The following TBL1X variants were observed in gnomAD, a reference collection of about 807,000 sequenced individuals.
TBL1X encodes F-box-like/WD repeat-containing protein TBL1X.
In TBL1X, 10 loss-of-function variants were observed where a neutral mutation model predicts 50.7. The observed-to-expected ratio is 0.20, with a 90% CI of 0.12 to 0.33. TBL1X has a LOEUF of 0.33. Ranked by LOEUF, TBL1X falls within the 10% of genes least tolerant of loss-of-function variation. TBL1X has a pLI of 1.00. For synonymous variants in TBL1X, 190 were observed against 214.7 expected (o/e 0.88, Z 1.01); for missense variants, 340 against 504.4 (o/e 0.67, Z 3.12).
chrX:9,469,804 G>C (rs11797636), intron 1 of TBL1X, among the ~76,000 whole-genome samples: 31,115 of 110,851 alleles, frequency 0.28, 3,530 homozygotes, highest in South Asian at 0.36. Context: ...GGGGCACCCA[G>C]CCATCTGCTC....
At chrX:9,557,754 T>G (rs1305844641) in intron 2 of TBL1X, among the ~76,000 whole-genome samples, 1 of 111,431 alleles carries the variant, frequency 9.0e-6, no homozygotes, top group Admixed American at 9.5e-5. Flanking sequence ...CCACATTCGG[T>G]GACATGACAA....
chrX:9,705,942 C>T (rs1476390290), intron 13 of TBL1X, among the ~76,000 whole-genome samples: 1 of 110,753 alleles, frequency 9.0e-6, no homozygotes, highest in Non-Finnish European at 1.9e-5. Flanking sequence ...GGGGAGGCTT[C>T]AGGAGGCTTC....
chrX:9,621,526 C>A (rs1601799322), intron 2 of TBL1X, among the ~76,000 whole-genome samples: 1 of 111,854 alleles, frequency 8.9e-6, no homozygotes, highest in East Asian at 2.8e-4. Context: ...TTCTATCCTC[C>A]TGTCCTTTTT....
chrX:9,658,057 T>G (rs1488060966), intron 5 of TBL1X, among the ~76,000 whole-genome samples: 1 of 111,251 alleles, frequency 9.0e-6, no homozygotes, highest in East Asian at 2.8e-4. Context: ...CTGATGGTTG[T>G]ATAAAGGGGA....
At chrX:9,596,013 TAA>T (rs1441343953) in intron 2 of TBL1X, among the ~76,000 whole-genome samples, 2 of 112,496 alleles carry the variant, frequency 1.8e-5, no homozygotes, top group Admixed American at 1.9e-4. Context: ...AGAAATTTTG[TAA>T]GTGTGTTGTT....
intron 3 of TBL1X, among the ~76,000 whole-genome samples, chrX:9,642,152 T>G (rs186456447): frequency 2.7e-5 from 3 of 111,736 alleles, no homozygotes; most frequent in African/African-American, 9.8e-5. Flanking sequence ...TTCAGTACTT[T>G]GGGAACATAA....
chrX:9,578,826 C>T (rs748910551), intron 2 of TBL1X, among the ~76,000 whole-genome samples: 7 of 112,321 alleles, frequency 6.2e-5, no homozygotes, highest in Non-Finnish European at 1.3e-4. Flanking sequence ...GATGCCTCTA[C>T]TCAATGAAAA....
chrX:9,527,873 C>A (rs2146970452), intron 2 of TBL1X, among the ~76,000 whole-genome samples: 1 of 110,750 alleles, frequency 9.0e-6, no homozygotes, highest in South Asian at 3.9e-4. Flanking sequence ...ATCACGGCTC[C>A]CTACAGCCTT....
intron 2 of TBL1X, among the ~76,000 whole-genome samples, chrX:9,555,518 G>A (rs1181091243): frequency 8.9e-6 from 1 of 111,781 alleles, no homozygotes; most frequent in East Asian, 2.8e-4. Flanking sequence ...GTGTACAGGT[G>A]TTTACATGCA....
intron 1 of TBL1X, among the ~76,000 whole-genome samples, chrX:9,491,338 A>G (rs59507953): frequency 6.4e-5 from 2 of 31,316 alleles, no homozygotes; most frequent in African/African-American, 2.3e-4. Context: ...ATATATATAT[A>G]TTTTTTTTTT....
intron 2 of TBL1X, among the ~76,000 whole-genome samples, chrX:9,543,724 T>C (rs922219045): frequency 1.8e-5 from 2 of 112,304 alleles, no homozygotes; most frequent in Non-Finnish European, 3.8e-5. Flanking sequence ...TAAAGTCTTC[T>C]TTGTGCCAAG....
intron 2 of TBL1X, among the ~76,000 whole-genome samples, chrX:9,569,330 G>GCAGTA (rs1569059620): frequency 4.9e-5 from 5 of 101,490 alleles, no homozygotes; most frequent in African/African-American, 1.5e-4. Flanking sequence ...TGTGTGTTGT[G>GCAGTA]TCTATCTGTG....
intron 3 of TBL1X, among the ~76,000 whole-genome samples, chrX:9,649,538 A>G (rs1057067118): frequency 1.2e-4 from 13 of 112,474 alleles, no homozygotes; most frequent in Non-Finnish European, 1.5e-4. Flanking sequence ...GAAAGCAGAA[A>G]GCCAGAGCTG....
intron 2 of TBL1X, among the ~76,000 whole-genome samples, chrX:9,612,442 A>G (rs914292073): frequency 8.9e-6 from 1 of 111,846 alleles, no homozygotes; most frequent in Admixed American, 9.5e-5. Flanking sequence ...GGAAAAGAGT[A>G]CAAAGAAGCA....
At chrX:9,622,254 C>T (rs1021034359) in intron 2 of TBL1X, among the ~76,000 whole-genome samples, 2 of 111,027 alleles carry the variant, frequency 1.8e-5, no homozygotes, top group African/African-American at 3.3e-5. Flanking sequence ...CATCTACCTC[C>T]AGAACTTTTT....
chrX:9,586,430 A>T (rs1047636573), intron 2 of TBL1X, among the ~76,000 whole-genome samples: 5 of 112,882 alleles, frequency 4.4e-5, no homozygotes, highest in Non-Finnish European at 9.4e-5. Context: ...TTCATGAGGT[A>T]TCTAAAGTAC....
chrX:9,629,232 A>G (rs1049107382), intron 2 of TBL1X, among the ~76,000 whole-genome samples: 1 of 112,982 alleles, frequency 8.9e-6, no homozygotes, highest in African/African-American at 3.2e-5. Context: ...ACTGGCTTGC[A>G]GCCTGCTTTT....
At chrX:9,528,457 G>A (rs934046457) in intron 2 of TBL1X, among the ~76,000 whole-genome samples, 6 of 110,318 alleles carry the variant, frequency 5.4e-5, no homozygotes, top group African/African-American at 2.0e-4. Flanking sequence ...GTGAGGCATT[G>A]GCGTTTGGAA....
intron 3 of TBL1X, among the ~76,000 whole-genome samples, chrX:9,651,011 C>CTTTTTTT (rs572743375): frequency 6.5e-5 from 2 of 30,932 alleles, no homozygotes; most frequent in Non-Finnish European, 1.1e-4. Flanking sequence ...AGCTGCCAGC[C>CTTTTTTT]TTTTTTTTTT....
Sources: allele counts gnomAD v4.1 joint callset (sites outside exome capture counted in the v4.1 genomes callset), GRCh38; gene constraint gnomAD v4.1.1; transcripts MANE v1.5; gene names NCBI Gene and HGNC (gene_info 2026-07-23, HGNC 2026-07-21).